Variants in RPL3L observed in about 807,000 individuals in gnomAD.
RPL3L encodes ribosomal protein uL3-like.
Under a neutral mutation model 44.5 loss-of-function variants are expected in RPL3L, and 44 were observed. The observed-to-expected ratio is 0.99, with a 90% CI of 0.78 to 1.27. The LOEUF (loss-of-function observed/expected upper bound fraction) is 1.27, where lower values mean the gene tolerates loss of function less well. Among genes scored for constraint, RPL3L ranks in the 50% most tolerant of loss-of-function variants. RPL3L has a pLI of 0.00. For missense variants in RPL3L, 631 were observed against 569.1 expected, an observed-to-expected ratio of 1.11 and a Z score of -1.11; for synonymous variants, 292 against 230.7, an observed-to-expected ratio of 1.27 and a Z score of -2.41.
chr16:1,952,921 A>C lies in RPL3L; in HGVS notation c.318T>G (p.Phe106Leu), dbSNP rs755593294. The C allele has an allele frequency of 6.2e-7, 1 of 1,613,874 alleles. No individual in the cohort carries two copies. Among genetic ancestry groups the C allele is most frequent in the South Asian group, 1.1e-5 (1 of 91,084 alleles). Residue 106 changes from phenylalanine to leucine, a missense_variant, in exon 3 of 10, where the codon TTT becomes TTG. By Grantham distance (22) the Phe-to-Leu change is conservative. Coordinates refer to ENST00000268661, the MANE Select transcript of RPL3L (RefSeq NM_005061.3). Reference sequence around the variant, plus strand: ...GGCACTCATCACTGAGGTGTTCTGCAAAGATGGTCTTGAAGCTCCGGAGAC... The same window carrying C: ...GGCACTCATCACTGAGGTGTTCTGCCAAGATGGTCTTGAAGCTCCGGAGAC... ...PRGLRSFKTIFAEHLSDECRR... is the reference protein window; with the variant it reads ...PRGLRSFKTILAEHLSDECRR...
In RPL3L at chr16:1,948,141, G is replaced by A. The variant is rs1049015397; in HGVS notation, c.502-761C>T. ...TTTAGTTGAGACAGGGTTTCACTGT[G>A]TTGGCCCGGATGGTCTGCATCTCCT... On this transcript the variant is annotated intron_variant, in intron 4 of 9. Transcript: ENST00000268661. Among the ~76,000 whole-genome samples the A allele has an allele frequency of 4.6e-5, 7 of 151,822 alleles. 1 individual carries two copies. The highest frequency in any genetic ancestry group is 6.6e-5 in the Admixed American group (1 of 15,242).
Position 1,946,718 on chromosome 16 carries a change from G to T in RPL3L, c.858C>A (p.Arg286=). ...HRTELNKKIF[R]IGRGPHMEDG... ...CCTCCATGTGCGGGCCCCTGCCGAT[G>T]CGGAAGATCTGCCAGAAGGGGGCAC... is the stretch of plus-strand genomic sequence containing the variant. The change falls in exon 7 of 10, where the codon CGC becomes CGA. Residue 286 remains arginine, a synonymous_variant. Transcript: ENST00000268661. 1 of 1,612,520 alleles carries T rather than the reference G, an allele frequency of 6.2e-7. No individual in the cohort carries two copies. The highest frequency in any genetic ancestry group is 8.5e-7 in the Non-Finnish European group (1 of 1,179,898).
chr16:1,952,129 A>AT (rs547211544), intron 3 of RPL3L, among the ~76,000 whole-genome samples: 4,126 of 141,972 alleles, frequency 0.029, 73 homozygotes, highest in Non-Finnish European at 0.043. Flanking sequence ...TTTTATTTTT[A>AT]TTTTTTTTTT....
Position 1,945,562 on chromosome 16 carries a change from A to T in RPL3L, c.1104T>A (p.Ile368=). The T allele has an allele frequency of 6.2e-7, 1 of 1,613,880 alleles. No individual in the cohort carries two copies. Among genetic ancestry groups the T allele is most frequent in the Non-Finnish European group, 8.5e-7 (1 of 1,179,962 alleles). The change falls in exon 9 of 10, where the codon ATT becomes ATA. Residue 368 remains isoleucine (I), a synonymous_variant. Transcript: ENST00000268661. ...QAVENIELKF[I]DTTSKFGHGR... is the part of the protein sequence containing the mutation. Reference sequence around the variant, plus strand: ...CATGGCCGAACTTGGAGGTGGTGTCAATGAACTTGAGCTCAATATTCTCCA... The same window carrying T: ...CATGGCCGAACTTGGAGGTGGTGTCTATGAACTTGAGCTCAATATTCTCCA...
intron 2 of RPL3L, among the ~76,000 whole-genome samples, 174 bp from the exon 3 acceptor site, chr16:1,953,216 A>G (rs991180085): frequency 1.3e-5 from 2 of 152,030 alleles, no homozygotes; most frequent in African/African-American, 4.8e-5. Context: ...AATGATTACA[A>G]TGGATTTCTT....
At chr16:1,953,621 C>T (rs908605848) in intron 2 of RPL3L, among the ~76,000 whole-genome samples, 2 of 152,298 alleles carry the variant, frequency 1.3e-5, no homozygotes, top group East Asian at 1.9e-4. Context: ...GAAATAGACC[C>T]GAAATGGCCA....
intron 3 of RPL3L, 54 bp downstream of exon 3, chr16:1,952,820 C>T: frequency 6.3e-7 from 1 of 1,599,412 alleles, no homozygotes; most frequent in Non-Finnish European, 8.5e-7. Flanking sequence ...CTCAGGCACC[C>T]AACTTCTGTG....
rs964380849 is a variant in RPL3L, at chr16:1,947,290, G to A, written c.592C>T (p.Gln198Ter). ...GTVAEKVAWAQARLEKQVPVH... is the reference protein window; with the variant it reads ...GTVAEKVAWA ...GGCACCTGCTTCTCCAGCCGGGCCTGGGCCCAGGCCACCTTCTCGGCCACC... is the reference window on the plus strand; with the variant it reads ...GGCACCTGCTTCTCCAGCCGGGCCTAGGCCCAGGCCACCTTCTCGGCCACC... Residue 198 changes from glutamine to a stop codon, truncating the protein, a stop_gained, in exon 5 of 10, where the codon CAG (glutamine) becomes TAG (stop). Transcript: ENST00000268661. LOFTEE classifies it high-confidence loss of function. The A allele has an allele frequency of 2.5e-5, 40 of 1,613,036 alleles. No individual in the cohort carries two copies. In the Admixed American group the frequency reaches 6.0e-4, roughly 24 times the overall value.
rs1311805751 is a variant in RPL3L, at chr16:1,944,784, G to C, written c.*53C>G. 2.7e-5 allele frequency: 43 copies of C among 1,611,122 alleles called. No individual in the cohort carries two copies. Among genetic ancestry groups the C allele is most frequent in the Non-Finnish European group, 3.6e-5 (42 of 1,177,652 alleles). On this transcript the variant is annotated 3_prime_UTR_variant, in exon 10 of 10. Transcript: ENST00000268661. Reference sequence around the variant, plus strand: ...GAAGAGTCGCCTCCGGCCTTTGTTAGACATTGGGGCAGACAGTGCGGTGCG... The same window carrying C: ...GAAGAGTCGCCTCCGGCCTTTGTTACACATTGGGGCAGACAGTGCGGTGCG...
At chr16:1,954,297 G>A (rs2083192425) in intron 1 of RPL3L, 149 bp from the exon 2 acceptor site, 9 of 940,710 alleles carry the variant, frequency 9.6e-6, no homozygotes, top group Admixed American at 3.3e-5. Flanking sequence ...CAGGAGGGGA[G>A]AGGAAGGTTC....
rs1406034881 is a variant in RPL3L, at chr16:1,947,390, A to G, written c.502-10T>C. 1.3e-6 allele frequency: 2 copies of G among 1,565,260 alleles called. No individual in the cohort carries two copies. The highest frequency in any genetic ancestry group is 8.6e-7 in the Non-Finnish European group (1 of 1,157,398). ...AGGGCAGCAGTTTCATCTGCAGGACATGGCCGGAGGTCACGCCACGGCCCA... is the reference window on the plus strand; with the variant it reads ...AGGGCAGCAGTTTCATCTGCAGGACGTGGCCGGAGGTCACGCCACGGCCCA... On this transcript the variant is annotated splice_polypyrimidine_tract_variant and intron_variant, in intron 4 of 9. Coordinates refer to ENST00000268661, the MANE Select transcript of RPL3L (RefSeq NM_005061.3).
chr16:1,945,871 A>C lies in RPL3L; in HGVS notation c.1011T>G (p.Ile337Met), dbSNP rs762001999. The change falls in exon 8 of 10, where the codon ATT (isoleucine) becomes ATG (methionine). Residue 337 changes from isoleucine (I) to methionine (M), a missense_variant. Physicochemically the swap from Ile to Met is conservative, Grantham distance 10 (BLOSUM62 1). Coordinates refer to ENST00000268661, the MANE Select transcript of RPL3L (RefSeq NM_005061.3). ...TAATGACCCGCTTCTTGGTACCAGC[A>C]ATACAACCCTTCAGCATGACGAAGT... ...NNDFVMLKGCIAGTKKRVITL... is the reference protein window; with the variant it reads ...NNDFVMLKGCMAGTKKRVITL... 1 of 1,613,954 alleles carries C rather than the reference A, an allele frequency of 6.2e-7. No homozygotes were observed. The highest frequency in any genetic ancestry group is 1.7e-5 in the Admixed American group (1 of 60,012).
intron 2 of RPL3L, among the ~76,000 whole-genome samples, chr16:1,953,582 A>G (rs2083186201): frequency 6.6e-6 from 1 of 152,216 alleles, no homozygotes; most frequent in South Asian, 2.1e-4. Flanking sequence ...AACTATATAC[A>G]TAGGCGTACA....
In RPL3L at chr16:1,944,787, A is replaced by T; in HGVS notation, c.*50T>A. On this transcript the variant is annotated 3_prime_UTR_variant, in exon 10 of 10. Coordinates refer to ENST00000268661, the MANE Select transcript of RPL3L (RefSeq NM_005061.3). ...GAGTCGCCTCCGGCCTTTGTTAGAC[A>T]TTGGGGCAGACAGTGCGGTGCGCTT... 6.2e-7 allele frequency: 1 copy of T among 1,612,414 alleles called. No homozygotes were observed. Among genetic ancestry groups the T allele is most frequent in the Non-Finnish European group, 8.5e-7 (1 of 1,178,696 alleles).
Position 1,947,396 on chromosome 16 carries a change from G to A in RPL3L, c.502-16C>T, listed in dbSNP as rs369804378. ...GCAGTTTCATCTGCAGGACATGGCCGGAGGTCACGCCACGGCCCACGGGAT... is the reference window on the plus strand; with the variant it reads ...GCAGTTTCATCTGCAGGACATGGCCAGAGGTCACGCCACGGCCCACGGGAT... On this transcript the variant is annotated splice_polypyrimidine_tract_variant and intron_variant, in intron 4 of 9. Coordinates refer to ENST00000268661, the MANE Select transcript of RPL3L (RefSeq NM_005061.3). 2.6e-5 allele frequency: 41 copies of A among 1,549,856 alleles called. No homozygotes were observed. The highest frequency in any genetic ancestry group is 4.1e-5 in the African/African-American group (3 of 73,530).
In RPL3L at chr16:1,945,845, G is replaced by C. The variant is rs541904197; in HGVS notation, c.1037C>G (p.Thr346Arg). ...CCCAGCACTGCCAACCTTTCTCAGC[G>C]TAATGACCCGCTTCTTGGTACCAGC... ...CIAGTKKRVI[T>R]LRKSLLVHHS... Residue 346 changes from threonine to arginine, a missense_variant, in exon 8 of 10, where the codon ACG (threonine) becomes AGG (arginine). Coordinates refer to ENST00000268661, the MANE Select transcript of RPL3L (RefSeq NM_005061.3). 6.2e-7 allele frequency: 1 copy of C among 1,613,986 alleles called. No homozygotes were observed. The highest frequency in any genetic ancestry group is 8.5e-7 in the Non-Finnish European group (1 of 1,180,014).
Position 1,946,617 on chromosome 16 carries a change from A to C in RPL3L, c.951+8T>G, listed in dbSNP as rs1384541059. The stretch of plus-strand genomic sequence containing the variant: ...ATGGGCCTGGCAGTCGCCCCCTCCC[A>C]GCCTCACCAGCGGTGTGATGGACTT... On this transcript the variant is annotated splice_region_variant and intron_variant, in intron 7 of 9. Transcript: ENST00000268661. 6.2e-7 allele frequency: 1 copy of C among 1,611,128 alleles called. No homozygotes were observed. The highest frequency in any genetic ancestry group is 2.2e-5 in the East Asian group (1 of 44,822).
At chr16:1,952,822 A>G (rs1361643370) in intron 3 of RPL3L, 52 bp downstream of exon 3, 2 of 1,601,354 alleles carry the variant, frequency 1.2e-6, no homozygotes. Context: ...CAGGCACCCA[A>G]CTTCTGTGGT....
Position 1,947,015 on chromosome 16 carries a change from G to A in RPL3L, c.772C>T (p.His258Tyr). ...LRKVACIGAWHPARVGCSIAR... is the reference protein window; with the variant it reads ...LRKVACIGAWYPARVGCSIAR... ...ATGGAGCAGCCCACGCGGGCGGGGT[G>A]CCAGGCGCCAATGCAGGCCACCTTG... Residue 258 changes from histidine (H) to tyrosine (Y), a missense_variant, in exon 6 of 10, where the codon CAC (histidine) becomes TAC (tyrosine). Physicochemically the swap from His to Tyr is moderately conservative, Grantham distance 83. Coordinates refer to ENST00000268661, the MANE Select transcript of RPL3L (RefSeq NM_005061.3). 1 of 1,612,188 alleles carries A rather than the reference G, an allele frequency of 6.2e-7. No individual in the cohort carries two copies. Among genetic ancestry groups the A allele is most frequent in the Non-Finnish European group, 8.5e-7 (1 of 1,179,724 alleles).
Sources: gnomAD v4.1 joint callset for allele counts (sites outside exome capture counted in the v4.1 genomes callset) on GRCh38, gnomAD v4.1.1 for gene constraint, MANE v1.5 for transcripts, NCBI Gene and HGNC (gene_info 2026-07-23, HGNC 2026-07-21) for gene names.